CNTN5: variants seen among roughly 807,000 people sequenced by gnomAD.
CNTN5 encodes the protein contactin 5, also known as contactin-5.
In CNTN5, 77 loss-of-function variants were observed where a neutral mutation model predicts 129.1. The ratio of observed to expected loss-of-function variants is 0.60; its 90% CI spans 0.50 to 0.72. The LOEUF (loss-of-function observed/expected upper bound fraction) is 0.72. Among genes scored for constraint, CNTN5 ranks in the 30% least tolerant of loss-of-function variants. The pLI is 0.00. For missense variants in CNTN5, 1,478 were observed against 1,328.8 expected (o/e 1.11, Z -1.75); for synonymous variants, 509 against 465.6 (o/e 1.09, Z -1.20).
intron 2 of CNTN5, among the ~76,000 whole-genome samples, chr11:99,410,292 T>A (rs1437606181): frequency 6.6e-6 from 1 of 152,190 alleles, no homozygotes; most frequent in Non-Finnish European, 1.5e-5. Flanking sequence ...TATAAAATTA[T>A]AAGAAGGTCC....
In CNTN5 at chr11:100,184,921, G is replaced by T. The variant is rs528749086; in HGVS notation, c.1581-6205G>T. On this transcript the variant is annotated intron_variant, in intron 13 of 24. Transcript: ENST00000524871. The stretch of plus-strand genomic sequence containing the variant: ...CAGTGGGAGGTCATTGTATCATGGG[G>T]GTGGTTTCCCCCATGCTGGTCTCAT... Among the ~76,000 whole-genome samples, 139 of 152,102 alleles carry T rather than the reference G, an allele frequency of 9.1e-4. 1 individual carries two copies. Among genetic ancestry groups the T allele is most frequent in the African/African-American group, 3.0e-3 (123 of 41,496 alleles).
intron 3 of CNTN5, among the ~76,000 whole-genome samples, chr11:99,590,091 A>G (rs1158037004): frequency 6.6e-6 from 1 of 152,188 alleles, no homozygotes; most frequent in Non-Finnish European, 1.5e-5. Flanking sequence ...GATAAACATC[A>G]TGAGCAGAGA....
At chr11:99,186,640 T>C (rs1326184579) in intron 1 of CNTN5, among the ~76,000 whole-genome samples, 1 of 151,892 alleles carries the variant, frequency 6.6e-6, no homozygotes, top group Non-Finnish European at 1.5e-5. Flanking sequence ...AACACAAAGT[T>C]AAAGAAAAAA....
At chr11:99,877,152 A>G (rs1948654906) in intron 6 of CNTN5, among the ~76,000 whole-genome samples, 1 of 152,032 alleles carries the variant, frequency 6.6e-6, no homozygotes, top group Non-Finnish European at 1.5e-5. Flanking sequence ...TTTGGAAATT[A>G]ACTTTAAAAG....
chr11:99,848,451 A>G (rs570045863), intron 6 of CNTN5, among the ~76,000 whole-genome samples: 1 of 152,118 alleles, frequency 6.6e-6, no homozygotes, highest in East Asian at 1.9e-4. Flanking sequence ...TTATACAACT[A>G]ATATTTCAAA....
chr11:99,446,116 T>C (rs186115325), intron 2 of CNTN5, among the ~76,000 whole-genome samples: 18 of 151,744 alleles, frequency 1.2e-4, no homozygotes, highest in Non-Finnish European at 2.4e-4. Flanking sequence ...CAAACTTCCT[T>C]GGATTTGTAG....
intron 13 of CNTN5, among the ~76,000 whole-genome samples, chr11:100,087,838 GA>G (rs1253039194): frequency 6.6e-6 from 1 of 151,696 alleles, no homozygotes; most frequent in Admixed American, 6.6e-5. Context: ...ATCTGCACAT[GA>G]AACACACTTC....
At chr11:100,355,678 C>G (rs1436245079) in intron 24 of CNTN5, among the ~76,000 whole-genome samples, 1 of 151,656 alleles carries the variant, frequency 6.6e-6, no homozygotes, top group Admixed American at 6.6e-5. Context: ...CCATAATAAT[C>G]TCAGGGGGCC....
intron 18 of CNTN5, among the ~76,000 whole-genome samples, chr11:100,287,700 T>A (rs1257597650): frequency 6.6e-6 from 1 of 152,054 alleles, no homozygotes; most frequent in East Asian, 1.9e-4. Flanking sequence ...CTGCATCAAC[T>A]AATGAGCAAA....
intron 13 of CNTN5, 164 bp downstream of exon 13, chr11:100,074,458 G>A (rs1238507893): frequency 5.1e-6 from 3 of 584,260 alleles, no homozygotes; most frequent in Non-Finnish European, 8.6e-6. Context: ...AGAACCCAAA[G>A]TTTGACTTCA....
At chr11:100,324,203 A>C (rs1301903514) in intron 21 of CNTN5, among the ~76,000 whole-genome samples, 1 of 152,158 alleles carries the variant, frequency 6.6e-6, no homozygotes. Context: ...TAGATTTTTA[A>C]AGGCAAAGAA....
chr11:100,113,484 G>GA (rs1352719240), intron 13 of CNTN5, among the ~76,000 whole-genome samples: 1 of 54,358 alleles, frequency 1.8e-5, no homozygotes, highest in African/African-American at 6.9e-5. Flanking sequence ...GAAAGAAAAA[G>GA]AAAAAAACAA....
intron 1 of CNTN5, among the ~76,000 whole-genome samples, chr11:99,158,894 T>C (rs188312662): frequency 1.3e-5 from 2 of 152,268 alleles, no homozygotes; most frequent in Admixed American, 1.3e-4. Context: ...TTCAGTAAAT[T>C]ATAAACATAT....
intron 3 of CNTN5, among the ~76,000 whole-genome samples, chr11:99,764,608 G>A (rs1415670058): frequency 3.9e-5 from 6 of 152,042 alleles, no homozygotes; most frequent in African/African-American, 9.7e-5. Flanking sequence ...TAGAGTTGGG[G>A]TTTCTTCATG....
intron 20 of CNTN5, among the ~76,000 whole-genome samples, chr11:100,300,339 T>C (rs376931671): frequency 1.3e-5 from 2 of 151,546 alleles, no homozygotes; most frequent in South Asian, 2.1e-4. Flanking sequence ...AGGATTTCAG[T>C]TAACCTTACA....
At chr11:99,830,035 A>G (rs1448119092) in intron 4 of CNTN5, among the ~76,000 whole-genome samples, 1 of 152,024 alleles carries the variant, frequency 6.6e-6, no homozygotes, top group African/African-American at 2.4e-5. Flanking sequence ...TCTATTTGTG[A>G]TGAGATGGTT....
At chr11:99,814,458 C>G (rs527307606) in intron 3 of CNTN5, among the ~76,000 whole-genome samples, 63 of 152,242 alleles carry the variant, frequency 4.1e-4, no homozygotes, top group African/African-American at 1.4e-3. Flanking sequence ...TGGAATCTCA[C>G]AAAGCCCACT....
intron 6 of CNTN5, among the ~76,000 whole-genome samples, chr11:99,855,736 T>C (rs983679570): frequency 6.6e-6 from 1 of 152,216 alleles, no homozygotes. Context: ...ATAGTCAGCA[T>C]TGTAAATATT....
At chr11:99,715,668 A>G (rs988169967) in intron 3 of CNTN5, among the ~76,000 whole-genome samples, 7 of 152,078 alleles carry the variant, frequency 4.6e-5, no homozygotes, top group African/African-American at 9.7e-5. Flanking sequence ...CATTTATAAC[A>G]TGGTATATCA....
Sources: gnomAD v4.1 joint callset for allele counts (sites outside exome capture counted in the v4.1 genomes callset) on GRCh38, gnomAD v4.1.1 for gene constraint, MANE v1.5 for transcripts, NCBI Gene and HGNC (gene_info 2026-07-23, HGNC 2026-07-21) for gene names.